The following HDGFL2 variants were observed in gnomAD, a reference collection of about 807,000 sequenced individuals.
The protein encoded by HDGFL2 is hepatoma-derived growth factor-related protein 2.
A neutral mutation model predicts 77.1 loss-of-function variants in HDGFL2; 36 were observed. That is an observed-to-expected ratio of 0.47 (90% CI 0.36 to 0.62). The LOEUF (loss-of-function observed/expected upper bound fraction) is 0.62, where lower values mean the gene tolerates loss of function less well. Among genes scored for constraint, HDGFL2 ranks in the 20% least tolerant of loss-of-function variants. The pLI is 0.00. For missense variants in HDGFL2, 976 were observed against 973.4 expected (o/e 1.00, Z -0.04); for synonymous variants, 463 against 413.1 (o/e 1.12, Z -1.46).
Position 4,501,457 on chromosome 19 carries a change from CACAGCTGACCCCAG to C in HDGFL2, c.1916+141_1916+154del, listed in dbSNP as rs1250160053. On this transcript the variant is annotated intron_variant, in intron 15 of 15. Transcript: ENST00000616600. Reference sequence around the variant, plus strand: ...CGTCCTTACTCGGGCCTCCCACCTTCACAGCTGACCCCAGGGCCCCGCTGGCTGGCACTTCCGGC... The same window carrying C: ...CGTCCTTACTCGGGCCTCCCACCTTCGGCCCCGCTGGCTGGCACTTCCGGC... The C allele has an allele frequency of 5.9e-6, 6 of 1,015,458 alleles. No individual in the cohort carries two copies. The South Asian group carries it at 1.1e-4, about 19-fold the overall frequency. The allele number at this position is 1,015,458 out of a possible 1,614,324, so 62.9% of individuals were successfully genotyped here.
intron 3 of HDGFL2, among the ~76,000 whole-genome samples, chr19:4,479,242 A>T (rs1288056856): frequency 6.6e-6 from 1 of 151,728 alleles, no homozygotes; most frequent in Non-Finnish European, 1.5e-5. Flanking sequence ...TGAGGTCAGG[A>T]TGTCAAGATC....
At chr19:4,501,518 C>G (rs1238050495) in intron 15 of HDGFL2, 2 of 577,264 alleles carry the variant, frequency 3.5e-6, no homozygotes, top group African/African-American at 3.9e-5. Context: ...AGAGGCAGCT[C>G]CAGGGCTTTG....
In HDGFL2 at chr19:4,488,803, G is replaced by A. The variant is rs1266619493; in HGVS notation, c.416G>A (p.Arg139Lys). Residue 139 changes from arginine to lysine, a missense_variant, in exon 4 of 16, where the codon AGG becomes AAG. Arg to Lys is a conservative substitution (Grantham distance 26). Transcript: ENST00000616600. Reference protein sequence around the residue: ...TAVTATAASDRMESDSDSDKS... With the variant: ...TAVTATAASDKMESDSDSDKS... ...GTAACCGCCACAGCTGCCAGCGACA[G>A]GATGGAGAGCGACTCAGACTCAGAC... 1.9e-6 allele frequency: 3 copies of A among 1,551,910 alleles called. No homozygotes were observed. The highest frequency in any genetic ancestry group is 1.4e-5 in the African/African-American group (1 of 73,200).
chr19:4,498,093 T>C, intron 11 of HDGFL2, 62 bp downstream of exon 11: 1 of 1,435,674 alleles, frequency 7.0e-7, no homozygotes, highest in Non-Finnish European at 9.6e-7. Context: ...GGGACAGCCG[T>C]GGCGTGGCTG....
intron 14 of HDGFL2, 73 bp downstream of exon 14, chr19:4,499,777 C>A (rs1433059291): frequency 1.7e-6 from 2 of 1,192,944 alleles, no homozygotes; most frequent in African/African-American, 1.5e-5. Context: ...GCAGAACATT[C>A]CAGAAGGGGA....
intron 10 of HDGFL2, chr19:4,497,334 A>T (rs1975732043): frequency 2.8e-6 from 1 of 352,440 alleles, no homozygotes; most frequent in South Asian, 2.1e-5. Flanking sequence ...AGTAGCTGGG[A>T]CTACAGGTGT....
chr19:4,499,139 A>G (rs1975786492), intron 13 of HDGFL2, among the ~76,000 whole-genome samples: 1 of 150,844 alleles, frequency 6.6e-6, no homozygotes, highest in Non-Finnish European at 1.5e-5. Flanking sequence ...CGAGGTCAGG[A>G]GATCAAGACC....
chr19:4,487,334 G>A (rs1364531263), intron 3 of HDGFL2, among the ~76,000 whole-genome samples: 1 of 152,004 alleles, frequency 6.6e-6, no homozygotes, highest in African/African-American at 2.4e-5. Flanking sequence ...ATAGCTCACT[G>A]AAACCTCTGC....
At chr19:4,482,319 C>T (rs896717320) in intron 3 of HDGFL2, among the ~76,000 whole-genome samples, 5 of 151,984 alleles carry the variant, frequency 3.3e-5, no homozygotes, top group African/African-American at 7.2e-5. Flanking sequence ...AAGTGATTCT[C>T]CTGTCTCAGC....
chr19:4,494,229 G>C lies in HDGFL2; in HGVS notation c.978G>C (p.Glu326Asp). The change falls in exon 9 of 16, where the codon GAG (glutamate) becomes GAC (aspartate). Residue 326 changes from glutamate to aspartate, a missense_variant. By Grantham distance (45) the Glu-to-Asp change is conservative (BLOSUM62 2). Coordinates refer to ENST00000616600, the MANE Select transcript of HDGFL2 (RefSeq NM_001001520.3). Reference protein sequence around the residue: ...WKRRDEARRRELEARRRREQE... With the variant: ...WKRRDEARRRDLEARRRREQE... ...GGCGGGACGAGGCGCGGAGGCGCGAGCTGGAGGCCCGGCGGCGGCGAGAGC... is the reference window on the plus strand; with the variant it reads ...GGCGGGACGAGGCGCGGAGGCGCGACCTGGAGGCCCGGCGGCGGCGAGAGC... 7 of 1,464,556 alleles carry C rather than the reference G, an allele frequency of 4.8e-6. No homozygotes were observed. The highest frequency in any genetic ancestry group is 6.3e-6 in the Non-Finnish European group (7 of 1,111,820). 90.7% of individuals were successfully genotyped at this position (1,464,556 alleles called of 1,614,324 possible). A position where few individuals can be genotyped will look rare whatever the true frequency, so the allele number is the denominator to read the frequency against.
chr19:4,497,675 C>T (rs998481564), intron 10 of HDGFL2: 1 of 489,768 alleles, frequency 2.0e-6, no homozygotes, highest in Non-Finnish European at 3.7e-6. Flanking sequence ...CTCTGGTAGA[C>T]AAAGCCAGCC....
At chr19:4,489,020 C>G in intron 4 of HDGFL2, 144 bp downstream of exon 4, 1 of 629,146 alleles carries the variant, frequency 1.6e-6, no homozygotes, top group African/African-American at 1.9e-5. Context: ...GTGGCGTGAT[C>G]TCGACTCGCT....
chr19:4,494,230 C>A lies in HDGFL2; in HGVS notation c.979C>A (p.Leu327Met). Residue 327 changes from leucine (L) to methionine (M), a missense_variant, in exon 9 of 16, where the codon CTG (leucine) becomes ATG (methionine). This residue lies in a region of HDGFL2 where 567 missense variants were observed against 534.7 expected (regional missense o/e 1.06). Transcript: ENST00000616600. ...GCGGGACGAGGCGCGGAGGCGCGAG[C>A]TGGAGGCCCGGCGGCGGCGAGAGCA... ...KRRDEARRRELEARRRREQEE... is the reference protein window; with the variant it reads ...KRRDEARRREMEARRRREQEE... 1 of 1,463,712 alleles carries A rather than the reference C, an allele frequency of 6.8e-7. No individual in the cohort carries two copies. Among genetic ancestry groups the A allele is most frequent in the South Asian group, 1.4e-5 (1 of 71,722 alleles). 90.7% of individuals were successfully genotyped at this position (1,463,712 alleles called of 1,614,324 possible). A position where few individuals can be genotyped will look rare whatever the true frequency, so the allele number is the denominator to read the frequency against.
intron 9 of HDGFL2, among the ~76,000 whole-genome samples, chr19:4,495,414 C>T (rs1975676540): frequency 8.1e-6 from 1 of 124,030 alleles, no homozygotes; most frequent in South Asian, 2.5e-4. Flanking sequence ...AAAAAATAGG[C>T]TCCGAATGAA....
intron 3 of HDGFL2, among the ~76,000 whole-genome samples, chr19:4,484,562 C>T (rs983713946): frequency 6.6e-5 from 10 of 151,036 alleles, no homozygotes; most frequent in African/African-American, 1.9e-4. Context: ...TGCAGTGGTG[C>T]GATCTCGGCT....
At chr19:4,493,950 G>T in intron 7 of HDGFL2, 32 bp from the exon 8 acceptor site, 1 of 1,588,420 alleles carries the variant, frequency 6.3e-7, no homozygotes, top group South Asian at 1.1e-5. Flanking sequence ...AGCCCTGGAA[G>T]GGAAGGTCAC....
intron 6 of HDGFL2, among the ~76,000 whole-genome samples, 157 bp downstream of exon 6, chr19:4,491,992 C>T (rs1259237633): frequency 6.6e-6 from 1 of 152,120 alleles, no homozygotes; most frequent in Non-Finnish European, 1.5e-5. Flanking sequence ...CGTGGCACCT[C>T]GTTATGGCCG....
intron 12 of HDGFL2, 95 bp downstream of exon 12, chr19:4,498,471 G>T: frequency 9.8e-7 from 1 of 1,015,258 alleles, no homozygotes; most frequent in Non-Finnish European, 1.5e-6. Context: ...CAAAGCCGGG[G>T]TCCTGCAGTT....
At chr19:4,477,431 G>A (rs1231458974) in intron 3 of HDGFL2, among the ~76,000 whole-genome samples, 1 of 152,194 alleles carries the variant, frequency 6.6e-6, no homozygotes, top group African/African-American at 2.4e-5. Flanking sequence ...CTAGGAGACT[G>A]AGGTTTCCCT....
Sources: allele counts gnomAD v4.1 joint callset (sites outside exome capture counted in the v4.1 genomes callset), GRCh38; gene constraint gnomAD v4.1.1; regional missense constraint gnomAD v4.1.1; transcripts MANE v1.5; gene names NCBI Gene and HGNC (gene_info 2026-07-23, HGNC 2026-07-21).